The following ADD1 variants were observed in gnomAD, a reference collection of about 807,000 sequenced individuals.
The protein encoded by ADD1 is adducin 1.
A neutral mutation model predicts 80.5 loss-of-function variants in ADD1; 24 were observed. That is an observed-to-expected ratio of 0.30 (90% CI 0.22 to 0.42). The LOEUF is 0.42. ADD1 is among the 10% of genes least tolerant of loss of function. ADD1 has a pLI of 1.00. For missense variants in ADD1, 948 were observed against 1,019.0 expected, an observed-to-expected ratio of 0.93 and a Z score of 0.95; for synonymous variants, 373 against 393.8, an observed-to-expected ratio of 0.95 and a Z score of 0.63.
At chr4:2,854,028 C>G (rs941110976) in intron 1 of ADD1, among the ~76,000 whole-genome samples, 5 of 152,114 alleles carry the variant, frequency 3.3e-5, no homozygotes, top group African/African-American at 1.2e-4. Flanking sequence ...TCCTTGTATT[C>G]TAAAGAATAT....
intron 2 of ADD1, among the ~76,000 whole-genome samples, chr4:2,880,857 T>C (rs1002628872): frequency 2.0e-5 from 3 of 152,108 alleles, no homozygotes; most frequent in Non-Finnish European, 4.4e-5. Flanking sequence ...GTTATAATAG[T>C]GATTTTCTAT....
intron 1 of ADD1, among the ~76,000 whole-genome samples, chr4:2,847,433 G>A (rs1349740570): frequency 6.6e-6 from 1 of 150,736 alleles, no homozygotes; most frequent in African/African-American, 2.4e-5. Context: ...AGTAAGACTA[G>A]GATTCTACTC....
Position 2,928,356 on chromosome 4 carries a change from C to G in ADD1, c.2233C>G (p.Pro745Ala). Reference protein sequence around the residue: ...APTEASPEPAPDPAPVAEEAA... With the variant: ...APTEASPEPAADPAPVAEEAA... ...TACTGAGGCCAGCCCCGAGCCAGCC[C>G]CAGACCCAGCCCCGGTGGCTGAAGA... Residue 745 changes from proline (P) to alanine (A), a missense_variant, in exon 16 of 16, where the codon CCA (proline) becomes GCA (alanine). Physicochemically the swap from Pro to Ala is conservative, Grantham distance 27. Transcript: ENST00000683351. 1 of 1,613,750 alleles carries G rather than the reference C, an allele frequency of 6.2e-7. No individual in the cohort carries two copies.
chr4:2,900,275 A>C (rs967595202), intron 9 of ADD1: 3 of 152,616 alleles, frequency 2.0e-5, no homozygotes, highest in African/African-American at 7.2e-5. Context: ...CTCAGTTCTT[A>C]GAGCTGTATT....
intron 9 of ADD1, chr4:2,900,384 G>A (rs951130966): frequency 1.3e-5 from 2 of 152,236 alleles, no homozygotes; most frequent in African/African-American, 4.8e-5. Context: ...CTCTTAGATG[G>A]GGGTCACGAT....
chr4:2,921,950 C>T (rs1420128400), intron 14 of ADD1, among the ~76,000 whole-genome samples: 1 of 151,800 alleles, frequency 6.6e-6, no homozygotes. Flanking sequence ...GTGTATGCCT[C>T]ACGAAGTTCT....
At chr4:2,889,135 T>C (rs1015401668) in intron 4 of ADD1, among the ~76,000 whole-genome samples, 4 of 152,112 alleles carry the variant, frequency 2.6e-5, no homozygotes, top group African/African-American at 9.7e-5. Flanking sequence ...GTAATTAATA[T>C]AGTGTCCTTT....
intron 6 of ADD1, among the ~76,000 whole-genome samples, chr4:2,896,272 ACT>A (rs931419202): frequency 2.8e-4 from 39 of 138,316 alleles, no homozygotes; most frequent in Non-Finnish European, 5.1e-4. Context: ...GCAGTGGCGC[ACT>A]CTCAACTCAC....
At chr4:2,873,278 C>A (rs1730743516) in intron 1 of ADD1, among the ~76,000 whole-genome samples, 2 of 152,204 alleles carry the variant, frequency 1.3e-5, no homozygotes, top group African/African-American at 2.4e-5. Flanking sequence ...AGACATGTGC[C>A]ACTGTACCCA....
intron 11 of ADD1, among the ~76,000 whole-genome samples, 177 bp downstream of exon 11, chr4:2,908,021 C>T (rs1302842315): frequency 6.6e-6 from 1 of 152,226 alleles, no homozygotes. Flanking sequence ...GAAGTATGAG[C>T]AGCAGACATT....
chr4:2,851,885 A>G (rs947777105), intron 1 of ADD1, among the ~76,000 whole-genome samples: 9 of 151,618 alleles, frequency 5.9e-5, no homozygotes. Context: ...CTTGTTGCCC[A>G]GGCTGGAGCG....
At chr4:2,905,326 A>C (rs1185035284) in intron 10 of ADD1, 1 of 584,522 alleles carries the variant, frequency 1.7e-6, no homozygotes, top group Non-Finnish European at 3.0e-6. Context: ...GTAACTCCGC[A>C]GTAGTTCCAG....
intron 12 of ADD1, chr4:2,908,828 T>A (rs1264226821): frequency 1.7e-6 from 1 of 572,020 alleles, no homozygotes; most frequent in East Asian, 3.0e-5. Flanking sequence ...GTCATGCCCC[T>A]TGTAATGCAT....
chr4:2,888,908 A>G (rs563026357), intron 4 of ADD1, among the ~76,000 whole-genome samples: 1 of 152,352 alleles, frequency 6.6e-6, no homozygotes, highest in East Asian at 1.9e-4. Context: ...GTTTACAGCT[A>G]TATGAAATAT....
At chr4:2,908,355 G>A (rs1167386933) in intron 11 of ADD1, among the ~76,000 whole-genome samples, 160 bp from the exon 12 acceptor site, 3 of 152,248 alleles carry the variant, frequency 2.0e-5, no homozygotes, top group Non-Finnish European at 2.9e-5. Context: ...CAGGCATGGC[G>A]GTCACTCAGA....
intron 1 of ADD1, among the ~76,000 whole-genome samples, chr4:2,864,027 G>C (rs1399853973): frequency 6.6e-6 from 1 of 152,210 alleles, no homozygotes; most frequent in Non-Finnish European, 1.5e-5. Flanking sequence ...TTAACTTACT[G>C]TCTCTACCTT....
intron 1 of ADD1, among the ~76,000 whole-genome samples, chr4:2,869,651 G>T (rs754279987): frequency 2.6e-5 from 4 of 152,174 alleles, no homozygotes; most frequent in Admixed American, 6.5e-5. Flanking sequence ...TATACTGTAA[G>T]TGGAGTTCTG....
intron 11 of ADD1, 105 bp downstream of exon 11, chr4:2,907,949 T>A: frequency 1.2e-6 from 1 of 855,100 alleles, no homozygotes; most frequent in Non-Finnish European, 2.0e-6. Context: ...GGGCATCTGC[T>A]GTTGTTGCCA....
At chr4:2,844,788 A>G (rs1725923921) in intron 1 of ADD1, 1 of 152,224 alleles carries the variant, frequency 6.6e-6, no homozygotes, top group African/African-American at 2.4e-5. Context: ...AGCAATTGTC[A>G]TATCTCCAAA....
Sources: allele counts gnomAD v4.1 joint callset (sites outside exome capture counted in the v4.1 genomes callset), GRCh38; gene constraint gnomAD v4.1.1; transcripts MANE v1.5; gene names NCBI Gene and HGNC (gene_info 2026-07-23, HGNC 2026-07-21).